DGLUCY: variants seen among roughly 807,000 people sequenced by gnomAD.
The protein encoded by DGLUCY is D-glutamate cyclase.
Under a neutral mutation model 58.5 loss-of-function variants are expected in DGLUCY, and 58 were observed. The ratio of observed to expected loss-of-function variants is 0.99; its 90% CI spans 0.80 to 1.23. The LOEUF (loss-of-function observed/expected upper bound fraction) is 1.23, where lower values mean the gene tolerates loss of function less well. DGLUCY is among the 50% of genes most tolerant of loss of function. DGLUCY has a pLI of 0.00. For missense variants in DGLUCY, 779 were observed against 784.7 expected (o/e 0.99, Z 0.09); for synonymous variants, 325 against 314.1 (o/e 1.03, Z -0.37).
chr14:91,220,737 AC>A (rs1184852653), intron 13 of DGLUCY: 2 of 448,270 alleles, frequency 4.5e-6, no homozygotes, highest in East Asian at 1.4e-4. Flanking sequence ...ATCTTGCTCT[AC>A]GGGAAGCCTC....
chr14:91,148,030 C>T (rs1024846177), intron 1 of DGLUCY, among the ~76,000 whole-genome samples: 1 of 151,986 alleles, frequency 6.6e-6, no homozygotes, highest in African/African-American at 2.4e-5. Context: ...AAAAATTAGC[C>T]AGGTGCAGTG....
intron 1 of DGLUCY, among the ~76,000 whole-genome samples, chr14:91,064,147 G>C (rs1339495872): frequency 6.6e-6 from 1 of 152,142 alleles, no homozygotes; most frequent in Non-Finnish European, 1.5e-5. Flanking sequence ...TAATGAAAGG[G>C]ACAAATTAAA....
rs562512571 is a variant in DGLUCY, at chr14:91,155,253, C to A, written c.-81-2386C>A. On this transcript the variant is annotated intron_variant, in intron 1 of 13. Coordinates refer to ENST00000256324, the MANE Select transcript of DGLUCY (RefSeq NM_001102368.3). ...TGTGGGCTGTGACTGTCTTATTCAC[C>A]ACTGTGTTTTTGGCACGGGGCCCAG... 5.3e-5 allele frequency among the ~76,000 whole-genome samples: 8 copies of A among 152,302 alleles called. No homozygotes were observed. The South Asian group carries it at 1.7e-3, about 32-fold the overall frequency.
At position 91,199,906 on chromosome 14, in the gene DGLUCY, G is replaced by C. The variant is rs1360913401; in HGVS notation, c.1444+1G>C. 6.2e-7 allele frequency: 1 copy of C among 1,614,094 alleles called. No individual in the cohort carries two copies. The highest frequency in any genetic ancestry group is 1.7e-5 in the Admixed American group (1 of 60,016). ...AAGATTCCTGGAATCTCATCAACTGGTAAGTATGGAGTACTGGGGATGCAC... is the reference window on the plus strand; with the variant it reads ...AAGATTCCTGGAATCTCATCAACTGCTAAGTATGGAGTACTGGGGATGCAC... On this transcript the variant is annotated splice_donor_variant, in intron 11 of 13. Coordinates refer to ENST00000256324, the MANE Select transcript of DGLUCY (RefSeq NM_001102368.3). LOFTEE classifies it high-confidence loss of function.
intron 11 of DGLUCY, among the ~76,000 whole-genome samples, chr14:91,201,797 A>C (rs2050579556): frequency 6.6e-6 from 1 of 151,936 alleles, no homozygotes; most frequent in African/African-American, 2.4e-5. Flanking sequence ...TCACACCTGT[A>C]ATTCCAGCAC....
chr14:91,181,948 CT>C (rs796574126), intron 8 of DGLUCY, among the ~76,000 whole-genome samples: 3 of 148,384 alleles, frequency 2.0e-5, no homozygotes, highest in South Asian at 2.1e-4. Context: ...CCCAGCCTTG[CT>C]TTCTTCTTTA....
intron 1 of DGLUCY, among the ~76,000 whole-genome samples, chr14:91,146,727 C>CA (rs2047034496): frequency 6.6e-6 from 1 of 152,162 alleles, no homozygotes; most frequent in Non-Finnish European, 1.5e-5. Context: ...GAAGGGGGCC[C>CA]ATGAGAGCAA....
Position 91,170,174 on chromosome 14 carries a change from A to G in DGLUCY, c.429A>G (p.Ala143=). 3 of 1,613,848 alleles carry G rather than the reference A, an allele frequency of 1.9e-6. No homozygotes were observed. Among genetic ancestry groups the G allele is most frequent in the Non-Finnish European group, 2.5e-6 (3 of 1,180,014 alleles). ...EKAGLPRRDP[A]GHSQAGAYKT... is the part of the protein sequence containing the mutation. ...CGGGGCTCCCCAGAAGAGACCCAGC[A>G]GGTCACAGCCAGGCGGGTGCATACA... Residue 143 remains alanine (A), a synonymous_variant, in exon 5 of 14, where the codon GCA becomes GCG. Transcript: ENST00000256324.
At chr14:91,210,207 G>T (rs1885447511) in intron 12 of DGLUCY, among the ~76,000 whole-genome samples, 1 of 152,162 alleles carries the variant, frequency 6.6e-6, no homozygotes, top group Non-Finnish European at 1.5e-5. Context: ...AGAGGTTGCA[G>T]TGAGCCAAGA....
chr14:91,101,797 C>T (rs966106177), intron 1 of DGLUCY, among the ~76,000 whole-genome samples: 4 of 152,156 alleles, frequency 2.6e-5, no homozygotes, highest in African/African-American at 7.2e-5. Context: ...CAGCTTCAAG[C>T]GATCCTCCCA....
rs1410834726 is a variant in DGLUCY, at chr14:91,173,359, A to G, written c.527A>G (p.Lys176Arg). Residue 176 changes from lysine to arginine, a missense_variant, in exon 6 of 14, where the codon AAG (lysine) becomes AGG (arginine). Transcript: ENST00000256324. ...PLVVTMRPIP[K>R]DKLEGLVRAC... is the part of the protein sequence containing the mutation. ...GTGGTCACGATGAGGCCCATTCCCA[A>G]GGACAAGCTGGAAGGGCTGGTGCGG... is the stretch of plus-strand genomic sequence containing the variant. The G allele has an allele frequency of 1.9e-6, 3 of 1,613,820 alleles. No homozygotes were observed. The highest frequency in any genetic ancestry group is 2.5e-6 in the Non-Finnish European group (3 of 1,179,946).
chr14:91,110,439 T>C (rs2044675091), upstream of DGLUCY, among the ~76,000 whole-genome samples: 1 of 148,700 alleles, frequency 6.7e-6, no homozygotes, highest in Non-Finnish European at 1.5e-5. Flanking sequence ...TCTTTTTTTT[T>C]TTTTTTTTTT....
intron 1 of DGLUCY, among the ~76,000 whole-genome samples, chr14:91,130,293 A>ATCTTT (rs1158684764): frequency 6.7e-6 from 1 of 149,856 alleles, no homozygotes; most frequent in African/African-American, 2.4e-5. Context: ...GAAGTGAAGA[A>ATCTTT]TCTTTTCTTT....
chr14:91,160,551 A>G (rs1332153653), intron 3 of DGLUCY, among the ~76,000 whole-genome samples, 154 bp downstream of exon 3: 2 of 152,048 alleles, frequency 1.3e-5, no homozygotes, highest in Admixed American at 6.6e-5. Flanking sequence ...TCTGGTCACT[A>G]TTTAACTGCT....
chr14:91,089,050 T>C (rs1183963642), intron 1 of DGLUCY, among the ~76,000 whole-genome samples: 1 of 152,224 alleles, frequency 6.6e-6, no homozygotes, highest in Non-Finnish European at 1.5e-5. Context: ...TACCAGACAC[T>C]GAAGGAATTG....
At chr14:91,078,866 T>TTTTA (rs1486383680) in intron 1 of DGLUCY, among the ~76,000 whole-genome samples, 3 of 141,138 alleles carry the variant, frequency 2.1e-5, no homozygotes, top group Non-Finnish European at 4.6e-5. Flanking sequence ...TCTGTTTATT[T>TTTTA]ATTTTTAATT....
intron 10 of DGLUCY, among the ~76,000 whole-genome samples, chr14:91,198,584 T>C (rs2050364023): frequency 6.6e-6 from 1 of 152,098 alleles, no homozygotes; most frequent in African/African-American, 2.4e-5. Flanking sequence ...TGGGCTCAAG[T>C]GATCTGCCTG....
intron 2 of DGLUCY, 111 bp downstream of exon 2, chr14:91,157,801 T>C (rs2047751789): frequency 6.6e-6 from 1 of 152,136 alleles, no homozygotes; most frequent in Non-Finnish European, 1.5e-5. Flanking sequence ...GCAACACTCA[T>C]TTCTCTCCAG....
At chr14:91,118,084 C>CG (rs2045100363) in intron 1 of DGLUCY, among the ~76,000 whole-genome samples, 1 of 109,818 alleles carries the variant, frequency 9.1e-6, no homozygotes, top group African/African-American at 3.5e-5. Flanking sequence ...CGCCCCCCCC[C>CG]CCCCTTTTTT....
Sources: gnomAD v4.1 joint callset for allele counts (sites outside exome capture counted in the v4.1 genomes callset) on GRCh38, gnomAD v4.1.1 for gene constraint, MANE v1.5 for transcripts, NCBI Gene and HGNC (gene_info 2026-07-23, HGNC 2026-07-21) for gene names.